NAV1: variants seen among roughly 807,000 people sequenced by gnomAD.
The protein encoded by NAV1 is neuron navigator 1.
A neutral mutation model predicts 175.2 loss-of-function variants in NAV1; 18 were observed. The observed-to-expected ratio is 0.10, with a 90% CI of 0.07 to 0.15. The LOEUF (loss-of-function observed/expected upper bound fraction) is 0.15. Among genes scored for constraint, NAV1 ranks in the 10% least tolerant of loss-of-function variants. The pLI, the probability that NAV1 is intolerant of heterozygous loss-of-function variation, is 1.00. For missense variants in NAV1, 1,731 were observed against 2,436.6 expected (o/e 0.71, Z 6.10); for synonymous variants, 897 against 978.7 (o/e 0.92, Z 1.56).
chr1:201,599,517 C>T (rs1241498327), intron 2 of NAV1, among the ~76,000 whole-genome samples: 1 of 152,172 alleles, frequency 6.6e-6, no homozygotes, highest in African/African-American at 2.4e-5. Flanking sequence ...GGTCCTGACC[C>T]ACAGGTGGTA....
At chr1:201,564,023 A>G (rs960001541) in intron 1 of NAV1, among the ~76,000 whole-genome samples, 9 of 151,892 alleles carry the variant, frequency 5.9e-5, no homozygotes, top group Admixed American at 5.9e-4. Context: ...CTTGAGTCCC[A>G]GAGGTTGAGG....
intron 2 of NAV1, among the ~76,000 whole-genome samples, chr1:201,604,506 AC>A (rs1329434023): frequency 6.6e-6 from 1 of 151,900 alleles, no homozygotes; most frequent in Non-Finnish European, 1.5e-5. Flanking sequence ...ACATGGTGAA[AC>A]CCCATCTCTA....
chr1:201,561,603 T>G (rs1248331809), intron 1 of NAV1, among the ~76,000 whole-genome samples: 1 of 152,254 alleles, frequency 6.6e-6, no homozygotes, highest in Admixed American at 6.5e-5. Context: ...TGTTTCTAGA[T>G]TTTTCTTCTG....
At chr1:201,600,990 C>G (rs1163162222) in intron 2 of NAV1, among the ~76,000 whole-genome samples, 2 of 152,236 alleles carry the variant, frequency 1.3e-5, no homozygotes, top group Admixed American at 6.5e-5. Context: ...CTTGGATACT[C>G]CAGGTTGTCT....
At chr1:201,604,056 C>T (rs1667600574) in intron 2 of NAV1, among the ~76,000 whole-genome samples, 1 of 152,116 alleles carries the variant, frequency 6.6e-6, no homozygotes, top group Admixed American at 6.5e-5. Flanking sequence ...CTGCTATTCT[C>T]ATTTTGTTTA....
chr1:201,617,359 A>C (rs1184545385), intron 2 of NAV1, among the ~76,000 whole-genome samples: 2 of 152,130 alleles, frequency 1.3e-5, no homozygotes, highest in Non-Finnish European at 2.9e-5. Flanking sequence ...CTCCCCAGAC[A>C]CATTGCAAAG....
intron 2 of NAV1, among the ~76,000 whole-genome samples, chr1:201,634,520 T>C (rs1400491156): frequency 6.6e-6 from 1 of 152,126 alleles, no homozygotes; most frequent in Middle Eastern, 3.2e-3. Flanking sequence ...ATCACCAGCC[T>C]GGCTCTGGGA....
rs918924263 is a variant in NAV1 at position 201,648,916 on chromosome 1, C to T, written c.248C>T (p.Ser83Phe). 1.1e-5 allele frequency: 17 copies of T among 1,612,676 alleles called. 1 individual carries two copies. The Admixed American group carries it at 2.0e-4, about 19-fold the overall frequency. ...CGTGTCCCCGGCGGGCCGCCCGCCT[C>T]CAACCTGCGCAAGCAGAAGTCACTC... Residue 83 changes from serine to phenylalanine, a missense_variant, in exon 1 of 30, where the codon TCC (serine) becomes TTC (phenylalanine). Coordinates refer to ENST00000367296, the Ensembl canonical transcript of NAV1.
intron 3 of NAV1, among the ~76,000 whole-genome samples, chr1:201,738,856 AG>A (rs1354788018): frequency 1.3e-5 from 2 of 152,212 alleles, no homozygotes; most frequent in Non-Finnish European, 1.5e-5. Context: ...AAGAAACTGC[AG>A]GTATAATTTG....
At chr1:201,699,638 T>C (rs1474080245) in intron 1 of NAV1, among the ~76,000 whole-genome samples, 8 of 152,066 alleles carry the variant, frequency 5.3e-5, no homozygotes, top group African/African-American at 1.9e-4. Context: ...GCCAAGACAA[T>C]CCTAAGCCAA....
Position 201,718,302 on chromosome 1 carries a change from G to A in NAV1, c.861-88G>A. ...GGAGGTGACAGGGCCTGTGGGTGGA[G>A]GGGAGGCATTGCTGGGGTGCATGTG... is the stretch of plus-strand genomic sequence containing the variant. On this transcript the variant is annotated intron_variant, in intron 2 of 29. Coordinates refer to ENST00000367296, the Ensembl canonical transcript of NAV1. The surrounding 1 kb of genome is among the most constrained non-coding windows in gnomAD (Gnocchi z 4.8). 2 of 1,359,748 alleles carry A rather than the reference G, an allele frequency of 1.5e-6. No individual in the cohort carries two copies. Among genetic ancestry groups the A allele is most frequent in the Non-Finnish European group, 1.9e-6 (2 of 1,041,778 alleles). 84.2% of individuals were successfully genotyped at this position (1,359,748 alleles called of 1,614,324 possible).
At chr1:201,811,740 C>A in exon 25 of NAV1, 1 of 1,606,458 alleles carries the variant, frequency 6.2e-7, no homozygotes, top group Non-Finnish European at 8.5e-7. Flanking sequence ...GGGCCCTCAC[C>A]TGCAAGTATC....
exon 1 of NAV1, chr1:201,648,648 C>T (rs1669068579): frequency 2.9e-6 from 4 of 1,367,566 alleles, no homozygotes; most frequent in Non-Finnish European, 3.8e-6. Flanking sequence ...GCGGATCGTC[C>T]ATGCGCTCCT....
intron 3 of NAV1, among the ~76,000 whole-genome samples, chr1:201,736,664 C>T (rs1214644459): frequency 1.3e-5 from 2 of 152,178 alleles, no homozygotes; most frequent in Non-Finnish European, 2.9e-5. Context: ...TTGGACATTT[C>T]CTGGACTTTC....
upstream of NAV1, chr1:201,622,775 A>G: frequency 1.0e-5 from 10 of 970,688 alleles, no homozygotes; most frequent in African/African-American, 1.8e-5. Flanking sequence ...ACAGACCCCA[A>G]CATCCTCTTT....
At chr1:201,652,792 A>G (rs1051214499) in intron 1 of NAV1, among the ~76,000 whole-genome samples, 2 of 152,224 alleles carry the variant, frequency 1.3e-5, no homozygotes, top group Admixed American at 6.5e-5. Flanking sequence ...ATACAGCGCA[A>G]TAGAATACAG....
intron 1 of NAV1, among the ~76,000 whole-genome samples, chr1:201,578,617 C>G (rs1036695175): frequency 6.6e-6 from 1 of 152,150 alleles, no homozygotes; most frequent in Non-Finnish European, 1.5e-5. Context: ...GAACTTTGGG[C>G]TTGCTACTCA....
chr1:201,622,766 C>T (rs190651449), upstream of NAV1: 146 of 959,368 alleles, frequency 1.5e-4, 1 homozygote, highest in East Asian at 0.013. Context: ...AGCCTCCCCA[C>T]AGACCCCAAC....
chr1:201,722,431 T>C (rs563525044), intron 3 of NAV1, among the ~76,000 whole-genome samples: 1 of 152,386 alleles, frequency 6.6e-6, no homozygotes, highest in South Asian at 2.1e-4. Flanking sequence ...TGTTGTAGCG[T>C]TAGAATTTCA....
Sources: allele counts gnomAD v4.1 joint callset (sites outside exome capture counted in the v4.1 genomes callset), GRCh38; gene constraint gnomAD v4.1.1; non-coding constraint Gnocchi (gnomAD v3.1); transcripts MANE v1.5; gene names NCBI Gene and HGNC (gene_info 2026-07-23, HGNC 2026-07-21).